The following KIR2DL1 variants were observed in gnomAD, a reference collection of about 807,000 sequenced individuals.
KIR2DL1 encodes the protein killer cell immunoglobulin like receptor, two Ig domains and long cytoplasmic tail 1.
A neutral mutation model predicts 33.9 loss-of-function variants in KIR2DL1; 38 were observed. The observed-to-expected ratio is 1.12, with a 90% CI of 0.86 to 1.47. KIR2DL1 has a LOEUF of 1.47. Among genes scored for constraint, KIR2DL1 ranks in the 40% most tolerant of loss-of-function variants. The pLI is 0.00. For synonymous variants in KIR2DL1, 179 were observed against 165.9 expected (o/e 1.08, Z -0.61); for missense variants, 531 against 433.9 (o/e 1.22, Z -1.99).
At chr19:54,777,535 T>C (rs1163419996) in intron 4 of KIR2DL1, among the ~76,000 whole-genome samples, 14 of 149,688 alleles carry the variant, frequency 9.4e-5, no homozygotes, top group African/African-American at 3.2e-4. Flanking sequence ...ATTTGTTTTA[T>C]TGAGTTGTTT....
Position 54,773,641 on chromosome 19 carries a change from G to A in KIR2DL1, c.370+9G>A, listed in dbSNP as rs1600731775. The A allele has an allele frequency of 6.4e-7, 1 of 1,561,944 alleles. No individual in the cohort carries two copies. Among genetic ancestry groups the A allele is most frequent in the Non-Finnish European group, 8.8e-7 (1 of 1,140,216 alleles). The stretch of plus-strand genomic sequence containing the variant: ...GGACATCGTGATCATAGGTGAGAGT[G>A]TCCAGACTTTCTTCTCATTGTCATT... On this transcript the variant is annotated intron_variant, in intron 3 of 7. Coordinates refer to ENST00000336077, the MANE Select transcript of KIR2DL1 (RefSeq NM_014218.3).
chr19:54,780,686 A>C (rs1403740424), intron 5 of KIR2DL1, among the ~76,000 whole-genome samples: 10 of 142,516 alleles, frequency 7.0e-5, no homozygotes, highest in Non-Finnish European at 1.2e-4. Flanking sequence ...AAATGAATGA[A>C]GTAGATGGAT....
chr19:54,782,758 A>T (rs576898426), intron 5 of KIR2DL1, among the ~76,000 whole-genome samples, 164 bp from the exon 6 acceptor site: 1 of 151,846 alleles, frequency 6.6e-6, no homozygotes, highest in African/African-American at 2.4e-5. Context: ...GGTTACTATG[A>T]GAGCTATAAC....
At chr19:54,783,587 T>C in intron 7 of KIR2DL1, 49 bp downstream of exon 7, 2 of 1,613,242 alleles carry the variant, frequency 1.2e-6, no homozygotes, top group Non-Finnish European at 1.7e-6. Flanking sequence ...TCCCAAAGAG[T>C]CCTGGAAAAT....
At position 54,773,525 on chromosome 19, in the gene KIR2DL1, G is replaced by C; in HGVS notation, c.263G>C (p.Ser88Thr). ...GTCTCCAAGGCCAACTTCTCCATCA[G>C]TCGCATGACGCAAGACCTGGCAGGG... The part of the protein sequence containing the change: ...DGVSKANFSI[S>T]RMTQDLAGTY... The change falls in exon 3 of 8, where the codon AGT becomes ACT. Residue 88 changes from serine to threonine, a missense_variant. Coordinates refer to ENST00000336077, the MANE Select transcript of KIR2DL1 (RefSeq NM_014218.3). The C allele has an allele frequency of 6.3e-7, 1 of 1,584,166 alleles. No homozygotes were observed. Among genetic ancestry groups the C allele is most frequent in the Non-Finnish European group, 8.7e-7 (1 of 1,156,000 alleles).
chr19:54,769,971 A>C (rs190727310), intron 1 of KIR2DL1, 87 bp downstream of exon 1: 15 of 1,388,074 alleles, frequency 1.1e-5, no homozygotes, highest in Admixed American at 1.9e-5. Context: ...AGGTGGAGTT[A>C]TGGGCCTGGA....
At chr19:54,770,732 T>G in intron 1 of KIR2DL1, 117 bp from the exon 2 acceptor site, 4 of 1,405,484 alleles carry the variant, frequency 2.8e-6, no homozygotes, top group Non-Finnish European at 4.0e-6. Context: ...GCACTGAGGG[T>G]GAGTTTACCT....
intron 2 of KIR2DL1, among the ~76,000 whole-genome samples, chr19:54,771,302 G>A (rs376251430): frequency 0.14 from 19,325 of 138,816 alleles, 1,280 homozygotes; most frequent in South Asian, 0.23. Context: ...TTCAGGCATC[G>A]GCTGATATTC....
In KIR2DL1 at chr19:54,783,673, A is replaced by G. The variant is rs756958902; in HGVS notation, c.907A>G (p.Thr303Ala). The change falls in exon 8 of 8, where the codon ACA (threonine) becomes GCA (alanine). Residue 303 changes from threonine to alanine, a missense_variant. Coordinates refer to ENST00000336077, the MANE Select transcript of KIR2DL1 (RefSeq NM_014218.3). ...DEQDPQEVTY[T>A]QLNHCVFTQR... ...ACAAGACCCTCAGGAGGTGACATAC[A>G]CACAGTTGAATCACTGCGTTTTCAC... 1.1e-4 allele frequency: 177 copies of G among 1,613,336 alleles called. 2 individuals carry two copies. The highest frequency in any genetic ancestry group is 8.2e-4 in the Admixed American group (49 of 59,980).
intron 5 of KIR2DL1, among the ~76,000 whole-genome samples, chr19:54,781,238 G>T (rs1954957468): frequency 7.3e-6 from 1 of 137,108 alleles, no homozygotes; most frequent in Non-Finnish European, 1.6e-5. Flanking sequence ...AAAGGCACCT[G>T]AATTCCAATC....
chr19:54,769,859 C>A lies in KIR2DL1; in HGVS notation c.9C>A (p.Leu3=), dbSNP rs1173100667. The A allele has an allele frequency of 1.3e-6, 2 of 1,570,450 alleles. No homozygotes were observed. ...TCTGCTCCGGCAGCACCATGTCGCT[C>A]TTGGTCGTCAGCATGGCGTGTGTTG... is the stretch of plus-strand genomic sequence containing the variant. MS[L]LVVSMACVGF... is the part of the protein sequence containing the mutation. The change falls in exon 1 of 8, where the codon CTC becomes CTA. Residue 3 remains leucine, a synonymous_variant. Coordinates refer to ENST00000336077, the MANE Select transcript of KIR2DL1 (RefSeq NM_014218.3).
At position 54,775,402 on chromosome 19, in the gene KIR2DL1, A is replaced by G. The variant is rs666590; in HGVS notation, c.608A>G (p.His203Arg). Residue 203 changes from histidine (H) to arginine (R), a missense_variant, in exon 4 of 8, where the codon CAT becomes CGT. Physicochemically the swap from His to Arg is conservative, Grantham distance 29. Transcript: ENST00000336077. Reference protein sequence around the residue: ...GGTYRCFGSFHDSPYEWSKSS... With the variant: ...GGTYRCFGSFRDSPYEWSKSS... ...ACCTACAGATGCTTCGGCTCTTTCC[A>G]TGACTCTCCATACGAGTGGTCAAAG... 351,024 of 1,434,078 alleles carry G rather than the reference A, an allele frequency of 0.24. 12,066 individuals are homozygous for G. Among genetic ancestry groups the G allele is most frequent in the South Asian group, 0.37 (29,994 of 81,840 alleles). 88.8% of individuals were successfully genotyped at this position (1,434,078 alleles called of 1,614,324 possible).
Position 54,770,896 on chromosome 19 carries a change from T to A in KIR2DL1, c.70+12T>A. On this transcript the variant is annotated intron_variant, in intron 2 of 7. Transcript: ENST00000336077. ...CTGGCCACATGAGGGTGAGTCCTTC[T>A]CCCAACCTTCGGGTGTCATCTCCCC... 1 of 1,582,656 alleles carries A rather than the reference T, an allele frequency of 6.3e-7. No individual in the cohort carries two copies. The highest frequency in any genetic ancestry group is 2.2e-5 in the East Asian group (1 of 44,706).
At position 54,775,290 on chromosome 19, in the gene KIR2DL1, GC is replaced by G; in HGVS notation, c.499del (p.His167MetfsTer81). On this transcript the variant is annotated frameshift_variant, in exon 4 of 8. Coordinates refer to ENST00000336077, the MANE Select transcript of KIR2DL1 (RefSeq NM_014218.3). LOFTEE classifies it high-confidence loss of function. Reference sequence around the variant, plus strand: ...GTACCATCTATCCAGGGAAGGGGAGGCCCATGAACGTAGGCTCCCTGCAGGG... The same window carrying G: ...GTACCATCTATCCAGGGAAGGGGAGGCCATGAACGTAGGCTCCCTGCAGGG... ...DMYHLSREGE[A>X]HERRLPAGPK... is the part of the protein sequence containing the mutation. 6.2e-7 allele frequency: 1 copy of G among 1,602,404 alleles called. No homozygotes were observed.
chr19:54,770,934 T>A, intron 2 of KIR2DL1, 50 bp downstream of exon 2: 2 of 1,570,790 alleles, frequency 1.3e-6, no homozygotes, highest in South Asian at 2.2e-5. Flanking sequence ...ATAAGAGGAT[T>A]TTCCTGAAAT....
chr19:54,779,473 A>G (rs1455463392), intron 5 of KIR2DL1, among the ~76,000 whole-genome samples: 2 of 147,056 alleles, frequency 1.4e-5, no homozygotes, highest in African/African-American at 5.0e-5. Flanking sequence ...GGCATCACTC[A>G]GTGCCTTCTT....
chr19:54,770,634 G>A lies in KIR2DL1; in HGVS notation c.35-215G>A, dbSNP rs2075587733. Reference sequence around the variant, plus strand: ...CGGCCTGGAGTGGAGATATGGGCCTGGAGTGGAGATATGGGCTTGAGGTGG... The same window carrying A: ...CGGCCTGGAGTGGAGATATGGGCCTAGAGTGGAGATATGGGCTTGAGGTGG... On this transcript the variant is annotated intron_variant, in intron 1 of 7. Coordinates refer to ENST00000336077, the MANE Select transcript of KIR2DL1 (RefSeq NM_014218.3). 2.0e-5 allele frequency among the ~76,000 whole-genome samples: 3 copies of A among 148,068 alleles called. No homozygotes were observed. In the South Asian group the frequency reaches 6.4e-4, roughly 32 times the overall value.
rs2076616546 is a variant in KIR2DL1 at position 54,778,607 on chromosome 19, T to G, written c.665-5T>G. On this transcript the variant is annotated splice_polypyrimidine_tract_variant and splice_region_variant and intron_variant, in intron 4 of 7. Transcript: ENST00000336077. The stretch of plus-strand genomic sequence containing the variant: ...TCCTCACCTCTCTCCTGTCTCATGT[T>G]CTAGGAAACCCTTCAAATAGTTGGC... 6 of 1,556,392 alleles carry G rather than the reference T, an allele frequency of 3.9e-6. 1 individual carries two copies. Among genetic ancestry groups the G allele is most frequent in the Non-Finnish European group, 5.3e-6 (6 of 1,135,274 alleles).
At chr19:54,772,292 G>A (rs2075820900) in intron 2 of KIR2DL1, among the ~76,000 whole-genome samples, 1 of 147,452 alleles carries the variant, frequency 6.8e-6, no homozygotes, top group African/African-American at 2.5e-5. Context: ...TTTGAAGGTG[G>A]AGGAAGTCCA....
Sources: gnomAD v4.1 joint callset for allele counts (sites outside exome capture counted in the v4.1 genomes callset) on GRCh38, gnomAD v4.1.1 for gene constraint, MANE v1.5 for transcripts, NCBI Gene and HGNC (gene_info 2026-07-23, HGNC 2026-07-21) for gene names.